DACH1: variants seen among roughly 807,000 people sequenced by gnomAD.
The protein encoded by DACH1 is dachshund homolog 1.
Under a neutral mutation model 54.2 loss-of-function variants are expected in DACH1, and 12 were observed. The ratio of observed to expected loss-of-function variants is 0.22; its 90% CI spans 0.14 to 0.36. The LOEUF is 0.36. Ranked by LOEUF, DACH1 falls within the 10% of genes least tolerant of loss-of-function variation. The pLI, the probability that DACH1 is intolerant of heterozygous loss-of-function variation, is 1.00. For missense variants in DACH1, 805 were observed against 929.8 expected (o/e 0.87, Z 1.75); for synonymous variants, 386 against 366.2 (o/e 1.05, Z -0.62).
At chr13:71,591,704 T>C (rs1425764161) in intron 3 of DACH1, among the ~76,000 whole-genome samples, 2 of 152,122 alleles carry the variant, frequency 1.3e-5, no homozygotes, top group African/African-American at 4.8e-5. Flanking sequence ...CCTGGAAGTA[T>C]TTTGGGAACC....
At chr13:71,501,756 G>T (rs1360600897) in intron 6 of DACH1, among the ~76,000 whole-genome samples, 4 of 152,140 alleles carry the variant, frequency 2.6e-5, no homozygotes. Flanking sequence ...GCATTGCTAT[G>T]ATGATGTTCA....
intron 4 of DACH1, among the ~76,000 whole-genome samples, chr13:71,561,988 T>G (rs1257709946): frequency 6.6e-6 from 1 of 151,774 alleles, no homozygotes; most frequent in African/African-American, 2.4e-5. Context: ...ATAAGAAGCT[T>G]CATGACAAAA....
chr13:71,591,999 C>T (rs540078004), intron 3 of DACH1, among the ~76,000 whole-genome samples: 1 of 152,164 alleles, frequency 6.6e-6, no homozygotes, highest in Non-Finnish European at 1.5e-5. Context: ...GGAATAACTA[C>T]TTATTATTCA....
intron 6 of DACH1, among the ~76,000 whole-genome samples, chr13:71,549,342 T>C (rs1593873898): frequency 6.6e-6 from 1 of 151,972 alleles, no homozygotes; most frequent in East Asian, 1.9e-4. Context: ...TCTTAAACAG[T>C]GAGGAAGTGA....
Position 71,858,226 on chromosome 13 carries a change from A to G in DACH1, c.848+7696T>C, listed in dbSNP as rs188123181. 6.2e-3 allele frequency among the ~76,000 whole-genome samples: 935 copies of G among 151,848 alleles called. 10 individuals carry two copies. Among genetic ancestry groups the G allele is most frequent in the African/African-American group, 0.021 (890 of 41,542 alleles). On this transcript the variant is annotated intron_variant, in intron 1 of 10. Coordinates refer to ENST00000613252, the MANE Select transcript of DACH1 (RefSeq NM_080759.6). Reference sequence around the variant, plus strand: ...TAAGATATATTTTGTTTGCCCTTGAAGAAAAATAAGGTTATTTTTTTCCTG... The same window carrying G: ...TAAGATATATTTTGTTTGCCCTTGAGGAAAAATAAGGTTATTTTTTTCCTG...
chr13:71,509,563 G>T (rs986871055), intron 6 of DACH1, among the ~76,000 whole-genome samples: 16 of 151,950 alleles, frequency 1.1e-4, no homozygotes, highest in South Asian at 2.1e-4. Context: ...TCCTAAACAC[G>T]AAGTTTAAAA....
chr13:71,458,193 T>C (rs1440746084), intron 10 of DACH1, among the ~76,000 whole-genome samples: 1 of 151,864 alleles, frequency 6.6e-6, no homozygotes, highest in Non-Finnish European at 1.5e-5. Context: ...GATTTCAGAA[T>C]TTAAAAAAAA....
intron 6 of DACH1, among the ~76,000 whole-genome samples, chr13:71,526,149 A>C (rs898237785): frequency 6.6e-6 from 1 of 152,156 alleles, no homozygotes; most frequent in Non-Finnish European, 1.5e-5. Flanking sequence ...TTATACAGAG[A>C]TACATAATTA....
chr13:71,801,273 T>C (rs568013453), intron 1 of DACH1, among the ~76,000 whole-genome samples: 1 of 152,124 alleles, frequency 6.6e-6, no homozygotes, highest in Non-Finnish European at 1.5e-5. Context: ...GCTCTCAGGA[T>C]CTCTGTTTGC....
chr13:71,821,429 A>ATTTAAATTTAAATTTAAATTCTAAGAG (rs1888181823), intron 1 of DACH1, among the ~76,000 whole-genome samples: 1 of 131,122 alleles, frequency 7.6e-6, no homozygotes. Context: ...AAGATTTTAA[A>ATTTAAATTTAAATTTAAATTCTAAGAG]TTTAAATTTA....
At chr13:71,741,999 G>A (rs1025491266) in intron 1 of DACH1, among the ~76,000 whole-genome samples, 2 of 152,144 alleles carry the variant, frequency 1.3e-5, no homozygotes, top group African/African-American at 4.8e-5. Flanking sequence ...CCCACATGTT[G>A]TGGGAAGGAT....
Position 71,475,169 on chromosome 13 carries a change from GC to G in DACH1, c.2054del (p.Gly685AlafsTer16). On this transcript the variant is annotated frameshift_variant, in exon 10 of 11. Coordinates refer to ENST00000613252, the MANE Select transcript of DACH1 (RefSeq NM_080759.6). LOFTEE classifies it high-confidence loss of function. ...TPEIEADRSGGRTDAERTIQD... is the reference protein window; with the variant it reads ...TPEIEADRSGXRTDAERTIQD... ...GTATTGTCCTTTCAGCATCTGTTCT[GC>G]CGCCACTGCGGTCAGCCTCTATCTC... is the stretch of plus-strand genomic sequence containing the variant. 6.2e-7 allele frequency: 1 copy of G among 1,613,842 alleles called. No homozygotes were observed. Among genetic ancestry groups the G allele is most frequent in the Non-Finnish European group, 8.5e-7 (1 of 1,179,868 alleles).
intron 7 of DACH1, among the ~76,000 whole-genome samples, chr13:71,483,148 A>G (rs1878193925): frequency 6.6e-6 from 1 of 151,716 alleles, no homozygotes; most frequent in Non-Finnish European, 1.5e-5. Flanking sequence ...ATATAATACC[A>G]TACTCTTTAA....
chr13:71,590,686 T>C (rs1352771014), intron 3 of DACH1, among the ~76,000 whole-genome samples: 2 of 152,092 alleles, frequency 1.3e-5, no homozygotes, highest in Non-Finnish European at 2.9e-5. Flanking sequence ...ACTGACATTT[T>C]ATTTATAAGA....
intron 1 of DACH1, among the ~76,000 whole-genome samples, chr13:71,700,281 G>A (rs182075912): frequency 6.6e-6 from 1 of 152,178 alleles, no homozygotes; most frequent in East Asian, 1.9e-4. Context: ...AAGCTGGCCA[G>A]GCATGGTGGC....
chr13:71,809,409 G>A (rs1458691948), intron 1 of DACH1, among the ~76,000 whole-genome samples: 1 of 152,048 alleles, frequency 6.6e-6, no homozygotes, highest in Non-Finnish European at 1.5e-5. Flanking sequence ...GGGCTCAAGT[G>A]ATCCTCCCAC....
intron 1 of DACH1, among the ~76,000 whole-genome samples, chr13:71,826,713 T>C (rs538589727): frequency 6.6e-6 from 1 of 152,096 alleles, no homozygotes; most frequent in Non-Finnish European, 1.5e-5. Context: ...TTTAATATAT[T>C]TTATTTCACT....
At chr13:71,475,053 G>C in intron 10 of DACH1, 88 bp downstream of exon 10, 1 of 1,183,258 alleles carries the variant, frequency 8.5e-7, no homozygotes, top group Non-Finnish European at 1.3e-6. Flanking sequence ...TGGCCCAGAT[G>C]GTAGGCTACA....
In DACH1 at chr13:71,645,779, C is replaced by T. The variant is rs191794690; in HGVS notation, c.965-15062G>A. ...TAGCAAATACTTAGAATCTTTCAAC[C>T]ACCAGGAGCTTTTGTTGGTTTTTTA... On this transcript the variant is annotated intron_variant, in intron 2 of 10. Coordinates refer to ENST00000613252, the MANE Select transcript of DACH1 (RefSeq NM_080759.6). 6.6e-5 allele frequency among the ~76,000 whole-genome samples: 10 copies of T among 152,268 alleles called. No individual in the cohort carries two copies. The East Asian group carries it at 1.9e-3, about 29-fold the overall frequency.
Sources: allele counts gnomAD v4.1 joint callset (sites outside exome capture counted in the v4.1 genomes callset), GRCh38; gene constraint gnomAD v4.1.1; transcripts MANE v1.5; gene names NCBI Gene and HGNC (gene_info 2026-07-23, HGNC 2026-07-21).